Variants in USP48 observed in about 807,000 individuals in gnomAD.
USP48 encodes ubiquitin specific peptidase 48.
A neutral mutation model predicts 150.7 loss-of-function variants in USP48; 43 were observed. The observed-to-expected ratio is 0.29, with a 90% CI of 0.22 to 0.37. The LOEUF is 0.37. USP48 is among the 10% of genes least tolerant of loss of function. USP48 has a pLI of 1.00. For synonymous variants in USP48, 396 were observed against 425.9 expected, an observed-to-expected ratio of 0.93 and a Z score of 0.86; for missense variants, 813 against 1,249.6, an observed-to-expected ratio of 0.65 and a Z score of 5.27.
chr1:21,705,464 C>T (rs1023147594), intron 19 of USP48, among the ~76,000 whole-genome samples: 5 of 152,024 alleles, frequency 3.3e-5, no homozygotes, highest in African/African-American at 7.2e-5. Flanking sequence ...TCACCAGCAG[C>T]GGGGGAAGAG....
chr1:21,752,934 G>T, intron 4 of USP48, 58 bp downstream of exon 4: 2 of 1,513,312 alleles, frequency 1.3e-6, no homozygotes, highest in Admixed American at 2.7e-5. Flanking sequence ...TTATAAACAT[G>T]CTTAGGATGT....
intron 23 of USP48, among the ~76,000 whole-genome samples, chr1:21,694,483 C>G (rs2097615729): frequency 7.1e-6 from 1 of 139,988 alleles, no homozygotes; most frequent in South Asian, 2.3e-4. Flanking sequence ...AGGCAGAGAA[C>G]TGCTTGAACC....
At chr1:21,756,474 CAA>C (rs35545280) in intron 3 of USP48, 70 bp downstream of exon 3, 177,283 of 1,139,448 alleles carry the variant, frequency 0.16, 4 homozygotes, top group Admixed American at 0.19. Flanking sequence ...GAGGAAGACT[CAA>C]AAAAAAAAAA....
At chr1:21,777,688 G>T (rs115833348) in intron 1 of USP48, among the ~76,000 whole-genome samples, 1 of 151,860 alleles carries the variant, frequency 6.6e-6, no homozygotes, top group Non-Finnish European at 1.5e-5. Context: ...ATAAGAAGGC[G>T]GAGAAGAAGA....
rs780499799 is a variant in USP48 at position 21,721,132 on chromosome 1, G to T, written c.1798C>A (p.Arg600=). 2.5e-6 allele frequency: 4 copies of T among 1,614,206 alleles called. No homozygotes were observed. Among genetic ancestry groups the T allele is most frequent in the Non-Finnish European group, 2.5e-6 (3 of 1,180,028 alleles). Residue 600 remains arginine (R), a synonymous_variant, in exon 14 of 27, where the codon CGG becomes AGG. Transcript: ENST00000308271. ...TCAAGAGCTAGCTGGCGCCAACTCC[G>T]CAAGGAGGACTTCCCCACCCAAAAT... ...DGFWVGKSSL[R]SWRQLALEQL...
chr1:21,762,005 C>T (rs1431097047), intron 1 of USP48, among the ~76,000 whole-genome samples: 1 of 50,882 alleles, frequency 2.0e-5, no homozygotes, highest in African/African-American at 4.4e-5. Context: ...GTGGCTCCTG[C>T]CTGTAATCCC....
Position 21,680,806 on chromosome 1 carries a change from A to G in USP48, c.3085+2T>C, listed in dbSNP as rs748143782. ...GAACAAAACATGACAAATGTAACTT[A>G]CCTTTAAACCCTTCTTCTGGCATAC... On this transcript the variant is annotated splice_donor_variant, in intron 26 of 26. Coordinates refer to ENST00000308271, the MANE Select transcript of USP48 (RefSeq NM_032236.8). LOFTEE classifies it high-confidence loss of function. 2 of 1,588,324 alleles carry G rather than the reference A, an allele frequency of 1.3e-6. No individual in the cohort carries two copies. The highest frequency in any genetic ancestry group is 1.4e-5 in the African/African-American group (1 of 72,906).
intron 8 of USP48, among the ~76,000 whole-genome samples, chr1:21,742,443 C>G (rs902176337): frequency 6.6e-6 from 1 of 151,792 alleles, no homozygotes; most frequent in Non-Finnish European, 1.5e-5. Context: ...ACCCGAGAGG[C>G]TGAGGCATGA....
chr1:21,730,434 A>G (rs2097753868), intron 9 of USP48, among the ~76,000 whole-genome samples: 1 of 152,016 alleles, frequency 6.6e-6, no homozygotes, highest in African/African-American at 2.4e-5. Context: ...ACTCTGTCTC[A>G]TGAAAAAGAA....
chr1:21,695,766 C>T (rs2152506052), intron 22 of USP48, among the ~76,000 whole-genome samples: 1 of 152,230 alleles, frequency 6.6e-6, no homozygotes, highest in Non-Finnish European at 1.5e-5. Flanking sequence ...TTGAGGATTA[C>T]AAAACTTAGT....
intron 5 of USP48, 36 bp from the exon 6 acceptor site, chr1:21,751,651 G>A (rs2097814200): frequency 6.5e-7 from 1 of 1,530,666 alleles, no homozygotes. Context: ...TCAGATCAGA[G>A]TGTGAAAAGC....
chr1:21,711,773 G>A (rs997518591), intron 15 of USP48, among the ~76,000 whole-genome samples: 10 of 152,072 alleles, frequency 6.6e-5, no homozygotes, highest in South Asian at 2.1e-4. Context: ...AAATGAACCC[G>A]TACAACATTG....
chr1:21,692,210 G>C (rs996317388), intron 23 of USP48, among the ~76,000 whole-genome samples: 1 of 152,160 alleles, frequency 6.6e-6, no homozygotes, highest in Non-Finnish European at 1.5e-5. Context: ...ACTAGCCAGA[G>C]ATCTGTGGCT....
At chr1:21,714,428 C>T (rs554595682) in intron 15 of USP48, among the ~76,000 whole-genome samples, 2 of 152,138 alleles carry the variant, frequency 1.3e-5, no homozygotes, top group Admixed American at 1.3e-4. Flanking sequence ...TACCACCAAA[C>T]CCACTTAATA....
At chr1:21,728,188 T>C (rs908693688) in intron 11 of USP48, 4 of 997,664 alleles carry the variant, frequency 4.0e-6, no homozygotes, top group Non-Finnish European at 4.8e-6. Context: ...AGAATGTCTG[T>C]TAAAACTGTT....
intron 21 of USP48, among the ~76,000 whole-genome samples, chr1:21,702,764 C>G (rs2097660848): frequency 6.6e-6 from 1 of 152,172 alleles, no homozygotes; most frequent in Admixed American, 6.5e-5. Context: ...CTAGGGTAGC[C>G]ATTAGCCACA....
At chr1:21,752,752 A>G in intron 4 of USP48, 101 bp from the exon 5 acceptor site, 1 of 1,356,658 alleles carries the variant, frequency 7.4e-7, no homozygotes, top group South Asian at 1.5e-5. Flanking sequence ...CTATACTTTC[A>G]ACTTAGCATT....
Position 21,752,614 on chromosome 1 carries a change from A to G in USP48, c.578T>C (p.Leu193Ser). Residue 193 changes from leucine (L) to serine (S), a missense_variant, in exon 5 of 27, where the codon TTG becomes TCG. Leu to Ser is a moderately radical substitution (Grantham distance 145, BLOSUM62 -2). Transcript: ENST00000308271. ...QEFSKLFMSL[L>S]EDTLSKQKNP... ...CTTTTGTTTAGACAAAGTATCTTCC[A>G]ATAGAGACATAAAGAGCTTTGAAAA... 6.2e-7 allele frequency: 1 copy of G among 1,611,142 alleles called. No homozygotes were observed. Among genetic ancestry groups the G allele is most frequent in the Non-Finnish European group, 8.5e-7 (1 of 1,179,422 alleles).
At chr1:21,763,744 G>A (rs879193687) in intron 1 of USP48, among the ~76,000 whole-genome samples, 1 of 152,214 alleles carries the variant, frequency 6.6e-6, no homozygotes, top group South Asian at 2.1e-4. Context: ...GAACCCAGGA[G>A]GCAGAGGGTG....
Sources: gnomAD v4.1 joint callset for allele counts (sites outside exome capture counted in the v4.1 genomes callset) on GRCh38, gnomAD v4.1.1 for gene constraint, MANE v1.5 for transcripts, NCBI Gene and HGNC (gene_info 2026-07-23, HGNC 2026-07-21) for gene names.